Variants in ZNF469 observed in about 807,000 individuals in gnomAD.
ZNF469 encodes the protein zinc finger protein 469.
ZNF469 carries 1 observed loss-of-function variant against 1.0 expected under a neutral mutation model. That is an observed-to-expected ratio of 1.00 (90% CI 0.35 to 4.73). ZNF469 has a LOEUF of 4.73. Among genes scored for constraint, ZNF469 ranks in the 30% most tolerant of loss-of-function variants. The pLI, the probability that ZNF469 is intolerant of heterozygous loss-of-function variation, is 0.16. For missense variants in ZNF469, 6,100 were observed against 5,356.3 expected, an observed-to-expected ratio of 1.14 and a Z score of -4.33; for synonymous variants, 2,703 against 2,363.4, an observed-to-expected ratio of 1.14 and a Z score of -4.17.
intron 1 of ZNF469, among the ~76,000 whole-genome samples, chr16:88,411,474 AAGCAGGCAGGGGTGCGAGCGGGCAGGG>A (rs1567504070): frequency 6.4e-4 from 3 of 4,700 alleles, no homozygotes; most frequent in African/African-American, 1.0e-3. Flanking sequence ...GCAGGGGTGC[AAGCAGGCAGGGGTGCGAGCGGGCAGGG>A]GTGCAAGCAG....
chr16:88,130,706 CAAAAA>C, the ZNF469 span, among the ~76,000 whole-genome samples: 3 of 103,432 alleles, frequency 2.9e-5, no homozygotes, highest in Non-Finnish European at 4.2e-5. Flanking sequence ...AACTCTGTGT[CAAAAA>C]AAAAAAAAAA....
At chr16:88,196,910 G>A in the ZNF469 span, among the ~76,000 whole-genome samples, 1 of 152,166 alleles carries the variant, frequency 6.6e-6, no homozygotes, top group Non-Finnish European at 1.5e-5. Context: ...GAGGAGCGCT[G>A]CTTATGCCCT....
chr16:88,354,671 G>A, the ZNF469 span, among the ~76,000 whole-genome samples: 6 of 152,160 alleles, frequency 3.9e-5, no homozygotes, highest in East Asian at 1.2e-3. Context: ...GTTAGGGTGC[G>A]CTCATGTGTC....
At chr16:88,281,488 C>T in the ZNF469 span, among the ~76,000 whole-genome samples, 56 of 137,408 alleles carry the variant, frequency 4.1e-4, 1 homozygote, top group Admixed American at 1.7e-3. Flanking sequence ...TCAATTTTGG[C>T]GCACAGATTA....
upstream of ZNF469, among the ~76,000 whole-genome samples, chr16:88,379,560 C>T (rs996951386): frequency 1.3e-5 from 2 of 152,082 alleles, no homozygotes; most frequent in African/African-American, 4.8e-5. Context: ...GCAAAGCTGC[C>T]CCCAGGAGGG....
chr16:88,168,949 G>C, the ZNF469 span, among the ~76,000 whole-genome samples: 1 of 152,104 alleles, frequency 6.6e-6, no homozygotes, highest in Non-Finnish European at 1.5e-5. The surrounding 1 kb of genome is among the most constrained non-coding windows in gnomAD (Gnocchi z 4.3). Flanking sequence ...ATAAGAATTA[G>C]AATCTGAAAG....
chr16:88,349,815 A>AT, the ZNF469 span, among the ~76,000 whole-genome samples: 2 of 139,292 alleles, frequency 1.4e-5, no homozygotes, highest in Non-Finnish European at 3.1e-5. Flanking sequence ...ACACATCACA[A>AT]ATGCACACAC....
the ZNF469 span, among the ~76,000 whole-genome samples, chr16:88,147,433 C>T: frequency 3.9e-5 from 6 of 152,008 alleles, no homozygotes; most frequent in East Asian, 1.9e-4. Context: ...AGGAAGCTCT[C>T]GGGTGGGGAG....
At chr16:88,137,453 T>C in the ZNF469 span, among the ~76,000 whole-genome samples, 1 of 152,176 alleles carries the variant, frequency 6.6e-6, no homozygotes, top group Non-Finnish European at 1.5e-5. Context: ...TGTGCAGCTA[T>C]GCATGCATGC....
At chr16:88,138,278 T>C in the ZNF469 span, among the ~76,000 whole-genome samples, 12 of 152,194 alleles carry the variant, frequency 7.9e-5, no homozygotes, top group African/African-American at 2.7e-4. Flanking sequence ...CACAATCCCG[T>C]TTAAACCATG....
chr16:88,228,606 G>T, the ZNF469 span, among the ~76,000 whole-genome samples: 1 of 152,170 alleles, frequency 6.6e-6, no homozygotes, highest in African/African-American at 2.4e-5. Flanking sequence ...GGCAACTCCT[G>T]TTTTTTTGCA....
At chr16:88,228,001 C>T in the ZNF469 span, among the ~76,000 whole-genome samples, 1 of 152,244 alleles carries the variant, frequency 6.6e-6, no homozygotes, top group African/African-American at 2.4e-5. Flanking sequence ...TCCATCGTTA[C>T]AGGGCGTTGT....
At chr16:88,193,866 C>T in the ZNF469 span, among the ~76,000 whole-genome samples, 1 of 152,170 alleles carries the variant, frequency 6.6e-6, no homozygotes, top group Non-Finnish European at 1.5e-5. Context: ...CCTCACATGG[C>T]GGAAGGGGCA....
chr16:88,151,233 C>T, the ZNF469 span, among the ~76,000 whole-genome samples: 3 of 152,218 alleles, frequency 2.0e-5, no homozygotes, highest in African/African-American at 2.4e-5. The surrounding 1 kb of genome is among the most constrained non-coding windows in gnomAD (Gnocchi z 5.4). Flanking sequence ...ACCCAGCAGA[C>T]GGGCTTCATC....
intron 1 of ZNF469, among the ~76,000 whole-genome samples, chr16:88,399,843 A>G (rs1532628): frequency 0.42 from 63,349 of 152,222 alleles, 13,307 homozygotes; most frequent in Non-Finnish European, 0.45. Context: ...GACAGCAGCC[A>G]GGACGGCAGC....
At chr16:88,282,566 G>A in the ZNF469 span, among the ~76,000 whole-genome samples, 1 of 152,202 alleles carries the variant, frequency 6.6e-6, no homozygotes, top group Non-Finnish European at 1.5e-5. Flanking sequence ...AACATGCACA[G>A]AGGGGAGTGT....
the ZNF469 span, among the ~76,000 whole-genome samples, chr16:88,371,318 T>C: frequency 1.3e-5 from 2 of 152,226 alleles, no homozygotes; most frequent in Non-Finnish European, 2.9e-5. Flanking sequence ...GGATGGGAGA[T>C]GCTAATTTAT....
the ZNF469 span, among the ~76,000 whole-genome samples, chr16:88,336,478 A>C: frequency 0.016 from 2,315 of 146,032 alleles, 58 homozygotes; most frequent in African/African-American, 0.055. Context: ...AATACCACGC[A>C]CGTTCATCCT....
chr16:88,325,633 G>A, the ZNF469 span, among the ~76,000 whole-genome samples: 1 of 152,204 alleles, frequency 6.6e-6, no homozygotes, highest in Non-Finnish European at 1.5e-5. Context: ...GCCACTTAGG[G>A]CTCCTGGTCC....
Sources: gnomAD v4.1 joint callset for allele counts (sites outside exome capture counted in the v4.1 genomes callset) on GRCh38, gnomAD v4.1.1 for gene constraint, Gnocchi (gnomAD v3.1) non-coding constraint, MANE v1.5 for transcripts, NCBI Gene and HGNC (gene_info 2026-07-23, HGNC 2026-07-21) for gene names.